RARB: variants seen among roughly 807,000 people sequenced by gnomAD.
RARB encodes the protein HBV-activated protein.
Under a neutral mutation model 51.9 loss-of-function variants are expected in RARB, and 17 were observed. The ratio of observed to expected loss-of-function variants is 0.33; its 90% CI spans 0.22 to 0.49. RARB has a LOEUF of 0.49. Ranked by LOEUF, RARB falls within the 20% of genes least tolerant of loss-of-function variation. The probability of loss-of-function intolerance (pLI) is 0.99; values close to 1 mark genes in which losing one functional copy is unlikely to be tolerated. For missense variants in RARB, 369 were observed against 550.8 expected (o/e 0.67, Z 3.30); for synonymous variants, 215 against 195.4 (o/e 1.10, Z -0.84).
chr3:25,030,003 T>C (rs746146675), intron 2 of RARB, among the ~76,000 whole-genome samples: 1 of 152,214 alleles, frequency 6.6e-6, no homozygotes, highest in Non-Finnish European at 1.5e-5. Context: ...CCTTCAGTTA[T>C]AGTGCCGTTG....
intron 2 of RARB, among the ~76,000 whole-genome samples, chr3:24,954,978 C>T (rs1243239974): frequency 6.6e-6 from 1 of 152,088 alleles, no homozygotes; most frequent in Non-Finnish European, 1.5e-5. Flanking sequence ...CAGTTGCTGT[C>T]CATGGACTGC....
rs200749352 is a variant in RARB at position 25,192,442 on chromosome 3, C to CAG, written c.178+17869_178+17870dup. Among the ~76,000 whole-genome samples the CAG allele has an allele frequency of 2.2e-3, 335 of 152,190 alleles. 2 individuals are homozygous for CAG. The highest frequency in any genetic ancestry group is 0.02 in the East Asian group (104 of 5,144). On this transcript the variant is annotated intron_variant, in intron 5 of 11. Coordinates refer to the RARB transcript ENST00000383772. ...GATACACCTATTCAATAAAATACTA[C>CAG]AGACACTATAAGTGAACTTTTAATA... is the stretch of plus-strand genomic sequence containing the variant.
intron 5 of RARB, among the ~76,000 whole-genome samples, chr3:25,584,306 C>A (rs911638160): frequency 6.6e-6 from 1 of 152,136 alleles, no homozygotes; most frequent in Non-Finnish European, 1.5e-5. Flanking sequence ...GGTGGGGGGA[C>A]ACAGACAGTA....
At chr3:25,053,909 A>G (rs1215044458) in intron 2 of RARB, among the ~76,000 whole-genome samples, 1 of 152,134 alleles carries the variant, frequency 6.6e-6, no homozygotes, top group African/African-American at 2.4e-5. Context: ...TTTGAAATGT[A>G]TCTTTGGAAA....
chr3:25,076,710 G>C (rs1239869911), intron 3 of RARB, among the ~76,000 whole-genome samples: 21 of 151,974 alleles, frequency 1.4e-4, no homozygotes, highest in Admixed American at 1.4e-3. Context: ...TTTTTGTTTT[G>C]TTAAAAAGCT....
intron 4 of RARB, among the ~76,000 whole-genome samples, chr3:25,137,908 C>G (rs1409645192): frequency 2.0e-5 from 3 of 152,088 alleles, no homozygotes; most frequent in Non-Finnish European, 4.4e-5. Context: ...AAAGAAGATT[C>G]TGCTTTTGAA....
At chr3:24,967,271 C>T (rs1696296854) in intron 2 of RARB, among the ~76,000 whole-genome samples, 1 of 152,022 alleles carries the variant, frequency 6.6e-6, no homozygotes, top group Non-Finnish European at 1.5e-5. Flanking sequence ...AGATTTATTC[C>T]CTGAAAGCAT....
At chr3:24,860,088 A>G (rs1323726034) in intron 2 of RARB, among the ~76,000 whole-genome samples, 1 of 152,080 alleles carries the variant, frequency 6.6e-6, no homozygotes, top group Non-Finnish European at 1.5e-5. Context: ...TGCTGCCAGG[A>G]TCTTGTATTA....
At chr3:25,521,649 A>G (rs1362234742) in intron 3 of RARB, among the ~76,000 whole-genome samples, 3 of 152,198 alleles carry the variant, frequency 2.0e-5, no homozygotes, top group Non-Finnish European at 4.4e-5. Context: ...CACTAGGCTG[A>G]GAACCCAGAA....
intron 5 of RARB, among the ~76,000 whole-genome samples, chr3:25,302,667 A>G (rs905927948): frequency 6.6e-6 from 1 of 152,222 alleles, no homozygotes; most frequent in African/African-American, 2.4e-5. Flanking sequence ...AAAATGTTTC[A>G]AGATTAGATA....
At chr3:25,229,888 C>A (rs999814679) in intron 5 of RARB, among the ~76,000 whole-genome samples, 1 of 152,124 alleles carries the variant, frequency 6.6e-6, no homozygotes, top group Non-Finnish European at 1.5e-5. Context: ...GGTCACCCAA[C>A]TGAAGCTCAT....
At chr3:25,405,815 G>C (rs1288444137) in intron 5 of RARB, among the ~76,000 whole-genome samples, 1 of 152,152 alleles carries the variant, frequency 6.6e-6, no homozygotes, top group African/African-American at 2.4e-5. Context: ...AAAGGAATAA[G>C]AAAGCACTTC....
intron 2 of RARB, among the ~76,000 whole-genome samples, chr3:24,950,226 C>T (rs1012878289): frequency 6.6e-6 from 1 of 152,140 alleles, no homozygotes; most frequent in East Asian, 1.9e-4. Context: ...ATTTTCTCTC[C>T]TACATATGTC....
intron 1 of RARB, chr3:24,833,082 C>T (rs1702302423): frequency 6.6e-6 from 1 of 152,350 alleles, no homozygotes; most frequent in South Asian, 2.1e-4. Flanking sequence ...TGTCTGTCCT[C>T]CTCCAGTGTG....
chr3:24,891,665 G>A (rs1387915862), intron 2 of RARB, among the ~76,000 whole-genome samples: 1 of 152,030 alleles, frequency 6.6e-6, no homozygotes, highest in Non-Finnish European at 1.5e-5. Flanking sequence ...TGTGTGGGGG[G>A]AATCAGCCAA....
At chr3:25,106,881 C>G (rs770610868) in intron 3 of RARB, among the ~76,000 whole-genome samples, 1 of 143,836 alleles carries the variant, frequency 7.0e-6, no homozygotes, top group African/African-American at 2.5e-5. Context: ...TTTTCTAAAA[C>G]TGTTTGTGTT....
chr3:25,156,115 A>G lies in RARB; in HGVS notation c.-279-18004A>G, dbSNP rs549447981. On this transcript the variant is annotated intron_variant, in intron 4 of 11. Transcript: ENST00000383772. The stretch of plus-strand genomic sequence containing the variant: ...AGCCAAACCAGCCACATCAGCATCA[A>G]TAGTAGTTAATAGATAATCAGATCC... Among the ~76,000 whole-genome samples the G allele has an allele frequency of 1.4e-4, 22 of 152,304 alleles. No homozygotes were observed. The East Asian group carries it at 3.7e-3, about 25-fold the overall frequency.
chr3:24,859,829 T>TA (rs1240452359), intron 2 of RARB, among the ~76,000 whole-genome samples: 11 of 152,356 alleles, frequency 7.2e-5, no homozygotes, highest in African/African-American at 2.6e-4. Flanking sequence ...CAGCCCTGGA[T>TA]AAGATGCAAA....
chr3:25,506,060 A>G (rs1348140232), intron 3 of RARB, among the ~76,000 whole-genome samples: 1 of 152,100 alleles, frequency 6.6e-6, no homozygotes, highest in Non-Finnish European at 1.5e-5. Flanking sequence ...AATAGTTCAG[A>G]TCTTTAAGCC....
Sources: allele counts gnomAD v4.1 joint callset (sites outside exome capture counted in the v4.1 genomes callset), GRCh38; gene constraint gnomAD v4.1.1; transcripts MANE v1.5; gene names NCBI Gene and HGNC (gene_info 2026-07-23, HGNC 2026-07-21).